NAA25: variants seen among roughly 807,000 people sequenced by gnomAD.
NAA25 encodes N-terminal acetyltransferase B complex subunit NAA25.
In NAA25, 30 loss-of-function variants were observed where a neutral mutation model predicts 132.5. The observed-to-expected ratio is 0.23, with a 90% CI of 0.17 to 0.31. The LOEUF (loss-of-function observed/expected upper bound fraction) is 0.31, where lower values mean the gene tolerates loss of function less well. NAA25 is among the 10% of genes least tolerant of loss of function. NAA25 has a pLI of 1.00. For synonymous variants in NAA25, 359 were observed against 401.9 expected (o/e 0.89, Z 1.28); for missense variants, 771 against 1,150.4 (o/e 0.67, Z 4.77).
intron 5 of NAA25, among the ~76,000 whole-genome samples, 161 bp downstream of exon 5, chr12:112,080,899 T>C (rs572288792): frequency 6.6e-6 from 1 of 152,156 alleles, no homozygotes; most frequent in Non-Finnish European, 1.5e-5. Flanking sequence ...GCCTAGGAGG[T>C]CAAGGCAGCA....
chr12:112,049,639 A>G lies in NAA25; in HGVS notation c.1729-1196T>C, dbSNP rs1028417574. Reference sequence around the variant, plus strand: ...GGAGAAATTAAAGACGGACGGACACAAGAAAATTAAAAAGATTACTTGTGA... The same window carrying G: ...GGAGAAATTAAAGACGGACGGACACGAGAAAATTAAAAAGATTACTTGTGA... On this transcript the variant is annotated intron_variant, in intron 15 of 23. Transcript: ENST00000261745. This position sits in a 1 kb window ranked among gnomAD's most constrained non-coding sequence, Gnocchi z 4.7. 1 of 985,506 alleles carries G rather than the reference A, an allele frequency of 1.0e-6. No individual in the cohort carries two copies. The highest frequency in any genetic ancestry group is 1.2e-6 in the Non-Finnish European group (1 of 829,934). 61.0% of individuals were successfully genotyped at this position (985,506 alleles called of 1,614,324 possible).
intron 1 of NAA25, among the ~76,000 whole-genome samples, chr12:112,105,493 A>AG (rs1393764736): frequency 3.3e-5 from 5 of 152,246 alleles, no homozygotes; most frequent in Non-Finnish European, 7.3e-5. Flanking sequence ...ACTTATTAGT[A>AG]ATGTGAGATG....
chr12:112,029,265 A>G lies in NAA25; in HGVS notation c.*266T>C. The G allele has an allele frequency of 2.6e-6, 1 of 388,476 alleles. No individual in the cohort carries two copies. Among genetic ancestry groups the G allele is most frequent in the Non-Finnish European group, 4.6e-6 (1 of 216,116 alleles). The allele number at this position is 388,476 out of a possible 1,614,324, so 24.1% of individuals were successfully genotyped here. ...TGTTTCTGGTGATGGGAAGAAGAAA[A>G]GTAGGGTTCTCTTGTTGCTGCCATA... is the stretch of plus-strand genomic sequence containing the variant. On this transcript the variant is annotated 3_prime_UTR_variant, in exon 24 of 24. Transcript: ENST00000261745.
intron 13 of NAA25, among the ~76,000 whole-genome samples, chr12:112,057,096 G>A (rs539730698): frequency 2.6e-5 from 4 of 152,114 alleles, no homozygotes; most frequent in Non-Finnish European, 5.9e-5. Context: ...GCTGAGGCAG[G>A]AGAATCGCTT....
intron 22 of NAA25, among the ~76,000 whole-genome samples, chr12:112,037,994 G>C (rs1672575364): frequency 6.6e-6 from 1 of 152,098 alleles, no homozygotes; most frequent in South Asian, 2.1e-4. Flanking sequence ...ACATAATTGA[G>C]ATAAGTGGAA....
chr12:112,082,997 G>A (rs2078995080), intron 4 of NAA25, among the ~76,000 whole-genome samples: 1 of 152,016 alleles, frequency 6.6e-6, no homozygotes, highest in Admixed American at 6.6e-5. Flanking sequence ...GGTAGACCAA[G>A]GTACTTTTGT....
intron 1 of NAA25, among the ~76,000 whole-genome samples, chr12:112,106,182 A>G (rs1361964609): frequency 6.6e-6 from 1 of 152,192 alleles, no homozygotes. Context: ...ACATGTTACA[A>G]AAGCTACATA....
intron 9 of NAA25, among the ~76,000 whole-genome samples, chr12:112,073,958 A>C (rs2078855284): frequency 6.6e-6 from 1 of 152,200 alleles, no homozygotes; most frequent in Non-Finnish European, 1.5e-5. Context: ...CAGAAATGAA[A>C]GATGTTCAAG....
rs2078337911 is a variant in NAA25 at position 112,043,968 on chromosome 12, C to A, written c.2007-100G>T. Reference sequence around the variant, plus strand: ...TTTGAGACAGAGTCTTGATCTGTCGCCCAGGCTGGAGTGCAGTGGCACTAT... The same window carrying A: ...TTTGAGACAGAGTCTTGATCTGTCGACCAGGCTGGAGTGCAGTGGCACTAT... On this transcript the variant is annotated intron_variant, in intron 17 of 23. Transcript: ENST00000261745. The A allele has an allele frequency of 2.3e-6, 3 of 1,282,182 alleles. No homozygotes were observed. In the African/African-American group the frequency reaches 4.5e-5, roughly 19 times the overall value. 79.4% of individuals were successfully genotyped at this position (1,282,182 alleles called of 1,614,324 possible).
chr12:112,036,813 C>A (rs1337696234), intron 22 of NAA25, among the ~76,000 whole-genome samples: 2 of 151,152 alleles, frequency 1.3e-5, no homozygotes, highest in Non-Finnish European at 2.9e-5. Context: ...TGCACTCCAG[C>A]CTGGGCAACA....
rs771317827 is a variant in NAA25 at position 112,049,536 on chromosome 12, G to T, written c.1729-1093C>A. ...TTTCAGGCCGCGGGATTGCGCCACG[G>T]GCGCTAATTCAACTGCATTCGATGC... On this transcript the variant is annotated intron_variant, in intron 15 of 23. Transcript: ENST00000261745. This position sits in a 1 kb window ranked among gnomAD's most constrained non-coding sequence, Gnocchi z 4.7. The T allele has an allele frequency of 5.3e-5, 52 of 985,732 alleles. No individual in the cohort carries two copies. The highest frequency in any genetic ancestry group is 6.3e-5 in the Non-Finnish European group (52 of 829,960). The allele number at this position is 985,732 out of a possible 1,614,324, so 61.1% of individuals were successfully genotyped here.
At chr12:112,088,623 CTTTT>C (rs58148161) in intron 3 of NAA25, among the ~76,000 whole-genome samples, 2 of 132,118 alleles carry the variant, frequency 1.5e-5, no homozygotes, top group Non-Finnish European at 1.6e-5. Flanking sequence ...ACAGAAAGTG[CTTTT>C]TTTTTTTTTT....
intron 15 of NAA25, among the ~76,000 whole-genome samples, chr12:112,052,419 C>A (rs951573642): frequency 1.3e-5 from 2 of 152,036 alleles, no homozygotes; most frequent in African/African-American, 4.8e-5. Flanking sequence ...GTTAAGGGGG[C>A]CACTTTGGGG....
At chr12:112,060,422 G>T in intron 12 of NAA25, 63 bp from the exon 13 acceptor site, 2 of 1,120,644 alleles carry the variant, frequency 1.8e-6, no homozygotes, top group Non-Finnish European at 2.6e-6. Flanking sequence ...CCCCAAAGGA[G>T]TTTTTAAAAG....
At chr12:112,086,073 T>TACACACACACACACACAC (rs1555238727) in intron 4 of NAA25, among the ~76,000 whole-genome samples, 3 of 53,988 alleles carry the variant, frequency 5.6e-5, no homozygotes, top group East Asian at 4.6e-3. Context: ...TATATATATA[T>TACACACACACACACACAC]ACACACACAC....
Position 112,060,480 on chromosome 12 carries a change from A to G in NAA25, c.1358-121T>C, listed in dbSNP as rs1003429989. On this transcript the variant is annotated intron_variant, in intron 12 of 23. Transcript: ENST00000261745. ...GGAGGAAAAGTAAAAGAAAATTAAG[A>G]ATAAGATAAGTACCAGGAGAAAAAT... 6.2e-6 allele frequency: 4 copies of G among 642,090 alleles called. No homozygotes were observed. In the Admixed American group the frequency reaches 8.8e-5, roughly 14 times the overall value. The allele number at this position is 642,090 out of a possible 1,614,324, so 39.8% of individuals were successfully genotyped here.
In NAA25 at chr12:112,043,103, C is replaced by G; in HGVS notation, c.2359G>C (p.Asp787His). ...FYLVNDIYEL[D>H]TSGLEDTMEI... ...GTACACTTACCTAAACCACTGGTAT[C>G]CAGCTCATAAATATCATTGACAAGA... The change falls in exon 19 of 24, where the codon GAT (aspartate) becomes CAT (histidine). Residue 787 changes from aspartate (D) to histidine (H), a missense_variant. Physicochemically the swap from Asp to His is moderately conservative, Grantham distance 81. Around this residue, in one of 3 missense-constraint regions of NAA25, gnomAD observed 324 missense variants for 400.0 expected, o/e 0.81. Transcript: ENST00000261745. 6.2e-7 allele frequency: 1 copy of G among 1,611,420 alleles called. No individual in the cohort carries two copies. Among genetic ancestry groups the G allele is most frequent in the Non-Finnish European group, 8.5e-7 (1 of 1,178,754 alleles).
chr12:112,028,556 A>G lies in NAA25; in HGVS notation c.*975T>C, dbSNP rs567111195. ...CCTAAGGCTAAATCCATAATATTACATTCCTTCCTTCCCAAACCCCCCACA... is the reference window on the plus strand; with the variant it reads ...CCTAAGGCTAAATCCATAATATTACGTTCCTTCCTTCCCAAACCCCCCACA... On this transcript the variant is annotated 3_prime_UTR_variant, in exon 24 of 24. Coordinates refer to ENST00000261745, the MANE Select transcript of NAA25 (RefSeq NM_024953.4). The G allele has an allele frequency of 8.5e-5, 13 of 152,240 alleles. No individual in the cohort carries two copies. Among genetic ancestry groups the G allele is most frequent in the Admixed American group, 2.6e-4 (4 of 15,286 alleles). 9.4% of individuals were successfully genotyped at this position (152,240 alleles called of 1,614,324 possible). A position where few individuals can be genotyped will look rare whatever the true frequency, so the allele number is the denominator to read the frequency against.
chr12:112,079,037 G>A (rs992160324), intron 5 of NAA25, among the ~76,000 whole-genome samples: 4 of 152,106 alleles, frequency 2.6e-5, no homozygotes, highest in African/African-American at 9.7e-5. Flanking sequence ...GCATGCCTAT[G>A]CTGTTTATTA....
Sources: gnomAD v4.1 joint callset for allele counts (sites outside exome capture counted in the v4.1 genomes callset) on GRCh38, gnomAD v4.1.1 for gene constraint, gnomAD v4.1.1 regional missense constraint, Gnocchi (gnomAD v3.1) non-coding constraint, MANE v1.5 for transcripts, NCBI Gene and HGNC (gene_info 2026-07-23, HGNC 2026-07-21) for gene names.